The following MYO5B variants were observed in gnomAD, a reference collection of about 807,000 sequenced individuals.
MYO5B encodes unconventional myosin-Vb.
A neutral mutation model predicts 229.3 loss-of-function variants in MYO5B; 143 were observed. That is an observed-to-expected ratio of 0.62 (90% CI 0.54 to 0.72). MYO5B has a LOEUF of 0.72. Among genes scored for constraint, MYO5B ranks in the 30% least tolerant of loss-of-function variants. MYO5B has a pLI of 0.00. For missense variants in MYO5B, 2,321 were observed against 2,331.0 expected, an observed-to-expected ratio of 1.00 and a Z score of 0.09; for synonymous variants, 918 against 885.2, an observed-to-expected ratio of 1.04 and a Z score of -0.66.
intron 1 of MYO5B, among the ~76,000 whole-genome samples, chr18:50,067,915 A>G (rs1358405518): frequency 6.6e-6 from 1 of 152,210 alleles, no homozygotes; most frequent in African/African-American, 2.4e-5. Context: ...GGGGATAGGT[A>G]ACACAAAAGC....
intron 1 of MYO5B, among the ~76,000 whole-genome samples, chr18:50,111,849 C>T (rs2031870663): frequency 6.6e-6 from 1 of 152,218 alleles, no homozygotes; most frequent in Non-Finnish European, 1.5e-5. Context: ...AACTCATCCC[C>T]TCTTCCTATA....
At chr18:49,891,097 G>A (rs2144124479) in intron 22 of MYO5B, among the ~76,000 whole-genome samples, 1 of 152,268 alleles carries the variant, frequency 6.6e-6, no homozygotes, top group African/African-American at 2.4e-5. Context: ...TGGCCGCACT[G>A]TGCTCCTGCT....
intron 1 of MYO5B, among the ~76,000 whole-genome samples, chr18:50,166,264 A>G (rs778368509): frequency 1.3e-5 from 2 of 152,152 alleles, no homozygotes; most frequent in Non-Finnish European, 2.9e-5. Flanking sequence ...ACTAAGGTAA[A>G]CTCATCCTAA....
At chr18:49,947,196 C>T (rs12962004) in intron 14 of MYO5B, among the ~76,000 whole-genome samples, 53,371 of 150,476 alleles carry the variant, frequency 0.35, 10,531 homozygotes, top group Middle Eastern at 0.58. Context: ...AACTCCACCT[C>T]CCGGGTTCAC....
intron 26 of MYO5B, 152 bp downstream of exon 26, chr18:49,875,535 C>G: frequency 9.5e-7 from 1 of 1,052,954 alleles, no homozygotes; most frequent in South Asian, 1.3e-5. Context: ...AGAGAAGACT[C>G]AGCATGACTC....
Position 49,841,507 on chromosome 18 carries a change from TG to T in MYO5B, c.4612-54del, listed in dbSNP as rs1354179103. The T allele has an allele frequency of 3.4e-6, 5 of 1,479,486 alleles. No homozygotes were observed. The Admixed American group carries it at 6.7e-5, about 20-fold the overall frequency. The allele number at this position is 1,479,486 out of a possible 1,614,324, so 91.6% of individuals were successfully genotyped here. A position where few individuals can be genotyped will look rare whatever the true frequency, so the allele number is the denominator to read the frequency against. ...TCTAAGTGGCTCCCATCTGGTGAAA[TG>T]CTTCCTCGGTACCTCTTTCCCCACA... On this transcript the variant is annotated intron_variant, in intron 34 of 39. Transcript: ENST00000285039.
At chr18:50,015,391 C>T (rs2026205539) in intron 4 of MYO5B, among the ~76,000 whole-genome samples, 1 of 152,084 alleles carries the variant, frequency 6.6e-6, no homozygotes, top group Admixed American at 6.5e-5. Flanking sequence ...TCAGAATTTG[C>T]TTGTTTTGCT....
chr18:50,118,180 G>A (rs1158581654), intron 1 of MYO5B, among the ~76,000 whole-genome samples: 1 of 152,150 alleles, frequency 6.6e-6, no homozygotes, highest in Non-Finnish European at 1.5e-5. Context: ...AGACCAGCTA[G>A]CATGACTGTC....
At chr18:49,897,163 G>C (rs188730476) in intron 21 of MYO5B, among the ~76,000 whole-genome samples, 245 of 152,208 alleles carry the variant, frequency 1.6e-3, no homozygotes, top group African/African-American at 5.9e-3. Context: ...TTTCTGTTCT[G>C]GACATCTGAC....
intron 1 of MYO5B, among the ~76,000 whole-genome samples, chr18:50,068,243 T>C (rs2030871475): frequency 6.6e-6 from 1 of 152,206 alleles, no homozygotes; most frequent in African/African-American, 2.4e-5. Flanking sequence ...TATGTGCACA[T>C]CCCTATTTTA....
chr18:50,109,074 GCCCTAGAAA>G (rs1352340636), intron 1 of MYO5B, among the ~76,000 whole-genome samples: 1 of 152,174 alleles, frequency 6.6e-6, no homozygotes, highest in Non-Finnish European at 1.5e-5. Flanking sequence ...GATTTTTAAA[GCCCTAGAAA>G]CCCTATCTTC....
chr18:49,907,308 G>A lies in MYO5B; in HGVS notation c.2203-678C>T, dbSNP rs184686374. Reference sequence around the variant, plus strand: ...ATTTTAAAAAGATTATCCTCAAATGGCCACACAGTTGTATGCATAATTACA... The same window carrying A: ...ATTTTAAAAAGATTATCCTCAAATGACCACACAGTTGTATGCATAATTACA... On this transcript the variant is annotated intron_variant, in intron 18 of 39. Coordinates refer to ENST00000285039, the MANE Select transcript of MYO5B (RefSeq NM_001080467.3). Among the ~76,000 whole-genome samples the A allele has an allele frequency of 1.1e-3, 161 of 152,264 alleles. 3 individuals carry two copies. The highest frequency in any genetic ancestry group is 8.6e-3 in the Admixed American group (131 of 15,300).
chr18:49,920,988 A>T (rs1332217139), intron 17 of MYO5B, among the ~76,000 whole-genome samples: 1 of 152,188 alleles, frequency 6.6e-6, no homozygotes, highest in African/African-American at 2.4e-5. Context: ...ATATCATTCC[A>T]AAATCAGTTC....
chr18:50,065,104 A>C (rs1304102697), intron 1 of MYO5B, among the ~76,000 whole-genome samples: 2 of 152,200 alleles, frequency 1.3e-5, no homozygotes, highest in Admixed American at 6.5e-5. Flanking sequence ...GGAGCATGTC[A>C]GTCTCCCCCA....
At chr18:49,889,877 A>G (rs2144122571) in intron 22 of MYO5B, among the ~76,000 whole-genome samples, 1 of 152,336 alleles carries the variant, frequency 6.6e-6, no homozygotes, top group East Asian at 1.9e-4. Flanking sequence ...AACAGCATGT[A>G]TGCCACCTAC....
At chr18:50,097,596 C>T in intron 1 of MYO5B, 1 of 217,026 alleles carries the variant, frequency 4.6e-6, no homozygotes, top group Non-Finnish European at 9.3e-6. Flanking sequence ...CATCACTCTG[C>T]AGCAGCAGCA....
intron 1 of MYO5B, among the ~76,000 whole-genome samples, chr18:50,150,098 G>A (rs1236459113): frequency 1.4e-5 from 2 of 146,186 alleles, no homozygotes; most frequent in African/African-American, 2.6e-5. Flanking sequence ...ACCATCACTG[G>A]CCATCAGAGA....
chr18:50,058,775 C>G (rs1226153398), intron 1 of MYO5B, among the ~76,000 whole-genome samples: 1 of 152,146 alleles, frequency 6.6e-6, no homozygotes, highest in Non-Finnish European at 1.5e-5. Context: ...TGTACCACTG[C>G]ACTCCAGCCT....
At chr18:50,166,125 G>A (rs990395450) in intron 1 of MYO5B, among the ~76,000 whole-genome samples, 4 of 152,216 alleles carry the variant, frequency 2.6e-5, no homozygotes, top group East Asian at 1.9e-4. Context: ...TTGAGCAGGC[G>A]GGGGTTCTCT....
Sources: allele counts gnomAD v4.1 joint callset (sites outside exome capture counted in the v4.1 genomes callset), GRCh38; gene constraint gnomAD v4.1.1; transcripts MANE v1.5; gene names NCBI Gene and HGNC (gene_info 2026-07-23, HGNC 2026-07-21).